WDR43: variants seen among roughly 807,000 people sequenced by gnomAD.
The protein encoded by WDR43 is WD repeat-containing protein 43.
Under a neutral mutation model 91.4 loss-of-function variants are expected in WDR43, and 13 were observed. The observed-to-expected ratio is 0.14, with a 90% CI of 0.09 to 0.23. WDR43 has a LOEUF of 0.23. Among genes scored for constraint, WDR43 ranks in the 10% least tolerant of loss-of-function variants. The probability of loss-of-function intolerance (pLI) is 1.00; values close to 1 mark genes in which losing one functional copy is unlikely to be tolerated. For synonymous variants in WDR43, 331 were observed against 287.9 expected, an observed-to-expected ratio of 1.15 and a Z score of -1.51; for missense variants, 780 against 809.4, an observed-to-expected ratio of 0.96 and a Z score of 0.44.
intron 1 of WDR43, among the ~76,000 whole-genome samples, chr2:28,897,655 T>C (rs1169549631): frequency 6.6e-6 from 1 of 152,188 alleles, no homozygotes; most frequent in Non-Finnish European, 1.5e-5. Flanking sequence ...CTATGTTTGG[T>C]TTAGTAATTG....
chr2:28,895,540 G>T (rs1353243103), intron 1 of WDR43, among the ~76,000 whole-genome samples: 1 of 151,862 alleles, frequency 6.6e-6, no homozygotes, highest in Non-Finnish European at 1.5e-5. Flanking sequence ...ACATCTGCTC[G>T]CCCCTCCCGC....
At chr2:28,942,552 G>A (rs1671459023) in intron 16 of WDR43, among the ~76,000 whole-genome samples, 171 bp downstream of exon 16, 2 of 150,506 alleles carry the variant, frequency 1.3e-5, no homozygotes, top group African/African-American at 2.4e-5. Flanking sequence ...GATAAGAAAA[G>A]AAAAGGCACA....
intron 6 of WDR43, among the ~76,000 whole-genome samples, chr2:28,922,671 A>C (rs1471407222): frequency 6.6e-6 from 1 of 152,230 alleles, no homozygotes; most frequent in East Asian, 1.9e-4. Context: ...TTGTTCATCT[A>C]ACTTGGAGGG....
chr2:28,942,218 C>A, intron 15 of WDR43, 94 bp from the exon 16 acceptor site: 1 of 1,216,234 alleles, frequency 8.2e-7, no homozygotes, highest in Non-Finnish European at 1.2e-6. Context: ...GGTGAGTTAG[C>A]AGCAAGCAGT....
In WDR43 at chr2:28,935,553, A is replaced by G. The variant is rs896267281; in HGVS notation, c.1470A>G (p.Ile490Met). ...KVLQTRNVNL[I>M]KKTVLRMPLH... ...TTCAAACTAGGAATGTAAACCTTATAAAGAAGACTGTATTAAGGATGCCCC... is the reference window on the plus strand; with the variant it reads ...TTCAAACTAGGAATGTAAACCTTATGAAGAAGACTGTATTAAGGATGCCCC... Residue 490 changes from isoleucine (I) to methionine (M), a missense_variant, in exon 12 of 18, where the codon ATA becomes ATG. Coordinates refer to ENST00000407426, the MANE Select transcript of WDR43 (RefSeq NM_015131.3). The G allele has an allele frequency of 4.4e-6, 7 of 1,601,078 alleles. No homozygotes were observed. The Admixed American group carries it at 1.0e-4, about 24-fold the overall frequency.
At chr2:28,915,893 A>G (rs769818279) in intron 5 of WDR43, among the ~76,000 whole-genome samples, 6 of 152,230 alleles carry the variant, frequency 3.9e-5, no homozygotes, top group South Asian at 2.1e-4. Flanking sequence ...GCATGAAAAC[A>G]TTTATAATTT....
chr2:28,919,117 G>A (rs1670972289), intron 6 of WDR43, among the ~76,000 whole-genome samples: 2 of 152,142 alleles, frequency 1.3e-5, no homozygotes, highest in Admixed American at 1.3e-4. Context: ...AGTTAGCTGT[G>A]CATGGTGGCA....
intron 14 of WDR43, among the ~76,000 whole-genome samples, chr2:28,941,078 G>A (rs992157525): frequency 2.0e-5 from 3 of 152,168 alleles, no homozygotes; most frequent in Admixed American, 2.0e-4. Flanking sequence ...TAGCATCAGA[G>A]GATAAGATTC....
intron 1 of WDR43, among the ~76,000 whole-genome samples, chr2:28,897,419 A>G (rs1670504597): frequency 6.6e-6 from 1 of 152,188 alleles, no homozygotes; most frequent in South Asian, 2.1e-4. Context: ...CATTTTGTTA[A>G]GGTCCTGCTA....
At chr2:28,935,447 C>G (rs1671320003) in intron 11 of WDR43, 74 bp from the exon 12 acceptor site, 1 of 1,082,018 alleles carries the variant, frequency 9.2e-7, no homozygotes, top group African/African-American at 1.6e-5. Flanking sequence ...TTCATTTTTA[C>G]AGACTTTTTT....
chr2:28,930,354 GTTCGA>G (rs1356793862), intron 11 of WDR43, among the ~76,000 whole-genome samples: 1 of 152,168 alleles, frequency 6.6e-6, no homozygotes, highest in African/African-American at 2.4e-5. Context: ...GTGAAAAACA[GTTCGA>G]TTCAAGTACT....
In WDR43 at chr2:28,941,177, A is replaced by C. The variant is rs377658906; in HGVS notation, c.1621-284A>C. Among the ~76,000 whole-genome samples, 5 of 152,322 alleles carry C rather than the reference A, an allele frequency of 3.3e-5. No individual in the cohort carries two copies. In the East Asian group the frequency reaches 7.7e-4, roughly 24 times the overall value. On this transcript the variant is annotated intron_variant, in intron 14 of 17. Coordinates refer to ENST00000407426, the MANE Select transcript of WDR43 (RefSeq NM_015131.3). ...ATATGGGATATTGGCCTTATCTGAA[A>C]TAGTTTGATCAATACAGAAAAGTGC...
chr2:28,934,503 T>C (rs1671303401), intron 11 of WDR43, among the ~76,000 whole-genome samples: 1 of 152,250 alleles, frequency 6.6e-6, no homozygotes, highest in Non-Finnish European at 1.5e-5. Flanking sequence ...CTATGGCTTA[T>C]AGGTTTGTTT....
At chr2:28,897,250 A>T (rs66768547) in intron 1 of WDR43, among the ~76,000 whole-genome samples, 4 of 152,094 alleles carry the variant, frequency 2.6e-5, no homozygotes, top group African/African-American at 9.7e-5. Context: ...ATATTATGGT[A>T]TAAAATTAAA....
chr2:28,941,412 C>T (rs906886875), intron 14 of WDR43, 49 bp from the exon 15 acceptor site: 15 of 1,412,710 alleles, frequency 1.1e-5, no homozygotes, highest in Middle Eastern at 1.7e-4. Context: ...TTTGCGTGTT[C>T]GTCATCTCTA....
chr2:28,941,350 A>G (rs994058530), intron 14 of WDR43, 111 bp from the exon 15 acceptor site: 1 of 721,562 alleles, frequency 1.4e-6, no homozygotes, highest in Admixed American at 2.7e-5. Context: ...GAGTACTTGT[A>G]AGCAGATGTG....
chr2:28,896,221 G>C (rs1177574422), intron 1 of WDR43, among the ~76,000 whole-genome samples: 1 of 152,094 alleles, frequency 6.6e-6, no homozygotes, highest in Admixed American at 6.6e-5. Context: ...AGAGAAATAC[G>C]GAGCAGTGGT....
chr2:28,938,026 G>C (rs551168719), intron 14 of WDR43, 32 bp downstream of exon 14: 25 of 1,608,498 alleles, frequency 1.6e-5, no homozygotes, highest in Non-Finnish European at 2.0e-5. Context: ...TGCCGAGTAT[G>C]AATAGTTTGG....
intron 12 of WDR43, among the ~76,000 whole-genome samples, chr2:28,936,519 G>T (rs572766831): frequency 9.9e-5 from 15 of 151,996 alleles, no homozygotes; most frequent in Non-Finnish European, 2.2e-4. Context: ...TTTAAAAATC[G>T]AGATACAATT....
Sources: gnomAD v4.1 joint callset for allele counts (sites outside exome capture counted in the v4.1 genomes callset) on GRCh38, gnomAD v4.1.1 for gene constraint, MANE v1.5 for transcripts, NCBI Gene and HGNC (gene_info 2026-07-23, HGNC 2026-07-21) for gene names.